The following PMFBP1 variants were observed in gnomAD, a reference collection of about 807,000 sequenced individuals.
PMFBP1 encodes polyamine modulated factor 1 binding protein 1.
Under a neutral mutation model 137.8 loss-of-function variants are expected in PMFBP1, and 131 were observed. The observed-to-expected ratio is 0.95, with a 90% CI of 0.82 to 1.10. The LOEUF is 1.10. PMFBP1 is among the 50% of genes least tolerant of loss of function. PMFBP1 has a pLI of 0.00. For synonymous variants in PMFBP1, 490 were observed against 450.4 expected (o/e 1.09, Z -1.11); for missense variants, 1,199 against 1,175.4 (o/e 1.02, Z -0.29).
the PMFBP1 span, among the ~76,000 whole-genome samples, chr16:72,239,709 T>A: frequency 1.3e-5 from 2 of 151,722 alleles, no homozygotes; most frequent in East Asian, 3.9e-4. Flanking sequence ...CTGGCCAACA[T>A]GGTGAAACCC....
At chr16:72,139,460 C>T in intron 6 of PMFBP1, 61 bp from the exon 7 acceptor site, 1 of 1,251,716 alleles carries the variant, frequency 8.0e-7, no homozygotes, top group Non-Finnish European at 1.2e-6. Context: ...GTTACCATGA[C>T]TATTATTTCA....
In PMFBP1 at chr16:72,154,352, C is replaced by G; in HGVS notation, c.273G>C (p.Leu91=). 1.2e-6 allele frequency: 2 copies of G among 1,614,140 alleles called. No homozygotes were observed. Among genetic ancestry groups the G allele is most frequent in the African/African-American group, 2.7e-5 (2 of 75,030 alleles). The part of the protein sequence containing the change: ...RQLQQLKKKL[L]VLQQELEFHT... ...GAAACTCCAGTTCTTGTTGAAGGAC[C>G]AGCAATTTTTTCTTCAGTTGCTGGA... Residue 91 remains leucine (L), a synonymous_variant, in exon 4 of 21, where the codon CTG becomes CTC. Transcript: ENST00000237353.
chr16:72,168,952 G>A (rs1423070664), intron 2 of PMFBP1, among the ~76,000 whole-genome samples: 1 of 152,066 alleles, frequency 6.6e-6, no homozygotes, highest in Non-Finnish European at 1.5e-5. Context: ...TTTGCTTTAG[G>A]TTTCCAAGTA....
intron 3 of PMFBP1, 100 bp downstream of exon 3, chr16:72,164,664 C>T (rs960408303): frequency 1.1e-5 from 16 of 1,424,604 alleles, no homozygotes; most frequent in Middle Eastern, 2.1e-4. Context: ...AATAAGTACT[C>T]CTGAATGAAC....
At chr16:72,183,226 G>A in the PMFBP1 span, among the ~76,000 whole-genome samples, 8 of 152,162 alleles carry the variant, frequency 5.3e-5, no homozygotes, top group Non-Finnish European at 1.2e-4. Context: ...CTTCCTGGTG[G>A]GATCTTAGTT....
chr16:72,186,109 T>G, the PMFBP1 span, among the ~76,000 whole-genome samples: 11 of 152,288 alleles, frequency 7.2e-5, no homozygotes, highest in Non-Finnish European at 1.2e-4. Flanking sequence ...GTCTGCATCA[T>G]GAGATTGATA....
chr16:72,149,334 G>A (rs1434739152), intron 5 of PMFBP1, among the ~76,000 whole-genome samples: 2 of 152,008 alleles, frequency 1.3e-5, no homozygotes, highest in African/African-American at 2.4e-5. Context: ...GAACCTTTTT[G>A]GTATATAATT....
At chr16:72,182,370 C>A in the PMFBP1 span, among the ~76,000 whole-genome samples, 2 of 152,026 alleles carry the variant, frequency 1.3e-5, no homozygotes, top group Non-Finnish European at 2.9e-5. Context: ...GTGGTGCACA[C>A]CTGTAATCCT....
intron 4 of PMFBP1, among the ~76,000 whole-genome samples, chr16:72,153,209 A>AGATTATATT (rs1236338924): frequency 6.6e-6 from 1 of 152,210 alleles, no homozygotes; most frequent in Non-Finnish European, 1.5e-5. Flanking sequence ...GCTAAGTCAT[A>AGATTATATT]GATTATATTT....
At chr16:72,217,410 G>A in the PMFBP1 span, among the ~76,000 whole-genome samples, 1 of 152,148 alleles carries the variant, frequency 6.6e-6, no homozygotes, top group Non-Finnish European at 1.5e-5. Context: ...TTCTTCATCA[G>A]TAATGAGGGC....
At chr16:72,150,942 T>C in intron 4 of PMFBP1, 113 bp from the exon 5 acceptor site, 2 of 864,098 alleles carry the variant, frequency 2.3e-6, no homozygotes, top group South Asian at 1.4e-5. Context: ...GAAGACCAGA[T>C]GAACAGAAGA....
rs749839059 is a variant in PMFBP1 at position 72,122,984 on chromosome 16, C to T, written c.2698G>A (p.Ala900Thr). ...AGCTGGTTTCCTAGTTTCTCATTGGCGACCCTGTAATAAAATCACAGGAGA... is the reference window on the plus strand; with the variant it reads ...AGCTGGTTTCCTAGTTTCTCATTGGTGACCCTGTAATAAAATCACAGGAGA... ...LEQWAKQQKV[A>T]NEKLGNQLRE... The change falls in exon 19 of 21, where the codon GCC becomes ACC. Residue 900 changes from alanine to threonine, a missense_variant. Coordinates refer to ENST00000237353, the MANE Select transcript of PMFBP1 (RefSeq NM_031293.3). The T allele has an allele frequency of 6.8e-6, 11 of 1,612,374 alleles. No homozygotes were observed. The highest frequency in any genetic ancestry group is 2.2e-5 in the South Asian group (2 of 91,034).
chr16:72,164,007 A>G (rs2043103628), intron 3 of PMFBP1, among the ~76,000 whole-genome samples: 1 of 150,926 alleles, frequency 6.6e-6, no homozygotes, highest in Non-Finnish European at 1.5e-5. Context: ...AAATCTCACA[A>G]ATCACCACTA....
chr16:72,135,515 C>T (rs1597467311), intron 9 of PMFBP1, among the ~76,000 whole-genome samples: 1 of 151,888 alleles, frequency 6.6e-6, no homozygotes, highest in Admixed American at 6.6e-5. Flanking sequence ...CCGCACCCGG[C>T]CGTCAGCTGG....
At chr16:72,175,435 T>C (rs1348297154), upstream of PMFBP1, among the ~76,000 whole-genome samples, 1 of 152,202 alleles carries the variant, frequency 6.6e-6, no homozygotes, top group Non-Finnish European at 1.5e-5. Context: ...GTTACACAAA[T>C]GCCGTAATCA....
intron 20 of PMFBP1, 27 bp from the exon 21 acceptor site, chr16:72,119,381 T>C (rs777521636): frequency 6.2e-7 from 1 of 1,613,480 alleles, no homozygotes; most frequent in South Asian, 1.1e-5. Context: ...GAAATGAGAG[T>C]TTTGATTCGA....
At chr16:72,184,313 T>A in the PMFBP1 span, among the ~76,000 whole-genome samples, 1 of 152,156 alleles carries the variant, frequency 6.6e-6, no homozygotes, top group African/African-American at 2.4e-5. Context: ...AGCTCCAGAT[T>A]TGGATAACAA....
intron 3 of PMFBP1, 105 bp from the exon 4 acceptor site, chr16:72,154,564 C>G (rs1415552271): frequency 3.1e-6 from 4 of 1,305,808 alleles, no homozygotes; most frequent in Non-Finnish European, 4.2e-6. Flanking sequence ...ATCCATCTAT[C>G]CATCTTTTTA....
At chr16:72,166,069 G>A (rs531264382) in intron 2 of PMFBP1, among the ~76,000 whole-genome samples, 2 of 152,288 alleles carry the variant, frequency 1.3e-5, no homozygotes, top group African/African-American at 4.8e-5. Context: ...TACAACACTT[G>A]TGAGCACAGA....
Sources: gnomAD v4.1 joint callset for allele counts (sites outside exome capture counted in the v4.1 genomes callset) on GRCh38, gnomAD v4.1.1 for gene constraint, MANE v1.5 for transcripts, NCBI Gene and HGNC (gene_info 2026-07-23, HGNC 2026-07-21) for gene names.